Variants in ZNG1A observed in about 807,000 individuals in gnomAD.
ZNG1A encodes the protein Zn regulated GTPase metalloprotein activator 1A.
chr9:139,471 G>A, the ZNG1A span, among the ~76,000 whole-genome samples: 1 of 150,798 alleles, frequency 6.6e-6, no homozygotes, highest in African/African-American at 2.5e-5. Flanking sequence ...TAGCAATACT[G>A]TATTGTACAC....
the ZNG1A span, among the ~76,000 whole-genome samples, chr9:171,440 C>T: frequency 1.3e-5 from 2 of 151,830 alleles, no homozygotes; most frequent in Non-Finnish European, 2.9e-5. Flanking sequence ...GGAAAATAAG[C>T]AGACTTTATC....
At chr9:139,862 G>A in the ZNG1A span, among the ~76,000 whole-genome samples, 1 of 151,492 alleles carries the variant, frequency 6.6e-6, no homozygotes, top group Non-Finnish European at 1.5e-5. Context: ...AGCGCAGGGG[G>A]TCAGGGAGTT....
At chr9:164,152 T>C in the ZNG1A span, 1 of 1,207,752 alleles carries the variant, frequency 8.3e-7, no homozygotes. Context: ...TATATCTTCT[T>C]ATGGAAATTA....
At chr9:173,432 G>T in the ZNG1A span, 1 of 1,605,420 alleles carries the variant, frequency 6.2e-7, no homozygotes, top group East Asian at 2.2e-5. Context: ...CAAAGATGAG[G>T]ATAACTCAAT....
chr9:144,416 G>A, the ZNG1A span, among the ~76,000 whole-genome samples: 5 of 150,684 alleles, frequency 3.3e-5, no homozygotes, highest in Admixed American at 6.6e-5. Flanking sequence ...TCTGATCTTT[G>A]ACAAACCTGA....
chr9:150,466 GC>G, the ZNG1A span: 2 of 977,478 alleles, frequency 2.0e-6, no homozygotes, highest in African/African-American at 3.6e-5. Context: ...AAGTTGCTAT[GC>G]CTCAAGGAAT....
At chr9:158,087 C>A in the ZNG1A span, among the ~76,000 whole-genome samples, 1 of 145,294 alleles carries the variant, frequency 6.9e-6, no homozygotes, top group Non-Finnish European at 1.5e-5. Context: ...TGCCAAAAGA[C>A]CAAGTTTAAT....
the ZNG1A span, among the ~76,000 whole-genome samples, chr9:125,019 C>T: frequency 3.9e-5 from 6 of 152,164 alleles, no homozygotes; most frequent in African/African-American, 1.2e-4. Flanking sequence ...TATAAACATG[C>T]GTGTGCACGT....
chr9:172,323 T>C, the ZNG1A span: 3 of 908,968 alleles, frequency 3.3e-6, no homozygotes, highest in East Asian at 2.7e-5. Context: ...TAACAAAATG[T>C]CCGTCCCATA....
At chr9:170,442 G>A in the ZNG1A span, among the ~76,000 whole-genome samples, 2 of 150,682 alleles carry the variant, frequency 1.3e-5, no homozygotes, top group East Asian at 1.9e-4. Context: ...CTGGAGTGCA[G>A]TGGCGTGATC....
the ZNG1A span, among the ~76,000 whole-genome samples, chr9:124,871 C>A: frequency 6.7e-6 from 1 of 149,898 alleles, no homozygotes; most frequent in Non-Finnish European, 1.5e-5. Context: ...CAGGTCACTG[C>A]GAATGCCATT....
At chr9:139,919 C>T in the ZNG1A span, among the ~76,000 whole-genome samples, 1 of 150,456 alleles carries the variant, frequency 6.6e-6, no homozygotes, top group Non-Finnish European at 1.5e-5. Flanking sequence ...CCTGGAAGAT[C>T]GGGTCACTCC....
At chr9:170,770 A>T in the ZNG1A span, among the ~76,000 whole-genome samples, 1 of 144,558 alleles carries the variant, frequency 6.9e-6, no homozygotes, top group Middle Eastern at 3.2e-3. Flanking sequence ...TTTTACAATG[A>T]ATGTTCCATC....
chr9:145,781 C>T, the ZNG1A span, among the ~76,000 whole-genome samples: 35 of 151,440 alleles, frequency 2.3e-4, no homozygotes, highest in African/African-American at 8.2e-4. Context: ...TGTGTGAAAA[C>T]GCTAAGCTAA....
chr9:175,861 C>T, the ZNG1A span: 35 of 1,217,066 alleles, frequency 2.9e-5, 1 homozygote, highest in Admixed American at 1.3e-4. Context: ...AGAATCCTAA[C>T]GTTTTTGAGA....
At chr9:121,411 C>G in the ZNG1A span, 1 of 998,194 alleles carries the variant, frequency 1.0e-6, no homozygotes, top group South Asian at 1.3e-5. Flanking sequence ...TTGAAATATA[C>G]CCAGTAGAAA....
chr9:140,938 T>C, the ZNG1A span, among the ~76,000 whole-genome samples: 5 of 141,408 alleles, frequency 3.5e-5, no homozygotes, highest in African/African-American at 1.3e-4. Context: ...AGAAAGGGTA[T>C]CAGCGATGGA....
the ZNG1A span, among the ~76,000 whole-genome samples, chr9:140,780 T>G: frequency 6.6e-6 from 1 of 151,304 alleles, no homozygotes; most frequent in East Asian, 1.9e-4. Context: ...GGCAAAGAAG[T>G]TGAAAACTTT....
At chr9:166,142 G>C in the ZNG1A span, 1 of 105,850 alleles carries the variant, frequency 9.4e-6, no homozygotes, top group East Asian at 2.5e-4. Context: ...AAAGAGAAAT[G>C]AGAGCTCTGA....
Sources: gnomAD v4.1 joint callset for allele counts (sites outside exome capture counted in the v4.1 genomes callset) on GRCh38, gnomAD v4.1.1 for gene constraint, MANE v1.5 for transcripts, NCBI Gene and HGNC (gene_info 2026-07-23, HGNC 2026-07-21) for gene names.